The following RIMS1 variants were observed in gnomAD, a reference collection of about 807,000 sequenced individuals.
RIMS1 encodes regulating synaptic membrane exocytosis protein 1.
RIMS1 carries 83 observed loss-of-function variants against 214.1 expected under a neutral mutation model. The observed-to-expected ratio is 0.39, with a 90% CI of 0.32 to 0.47. The LOEUF is 0.47. Ranked by LOEUF, RIMS1 falls within the 20% of genes least tolerant of loss-of-function variation. The pLI is 0.99. For synonymous variants in RIMS1, 793 were observed against 786.8 expected (o/e 1.01, Z -0.13); for missense variants, 2,050 against 2,161.8 (o/e 0.95, Z 1.03).
intron 4 of RIMS1, among the ~76,000 whole-genome samples, chr6:72,173,401 C>T (rs1305860251): frequency 2.0e-5 from 3 of 150,764 alleles, no homozygotes; most frequent in Non-Finnish European, 3.0e-5. Context: ...AACTTTATTC[C>T]CCTCCATATT....
At chr6:72,072,584 G>A (rs1364299370) in intron 2 of RIMS1, among the ~76,000 whole-genome samples, 1 of 152,134 alleles carries the variant, frequency 6.6e-6, no homozygotes, top group African/African-American at 2.4e-5. Flanking sequence ...AAAAATGCTT[G>A]CTAGAACAAC....
At chr6:71,937,682 G>C (rs759108837) in intron 1 of RIMS1, among the ~76,000 whole-genome samples, 1 of 152,154 alleles carries the variant, frequency 6.6e-6, no homozygotes, top group African/African-American at 2.4e-5. Context: ...AATGGGGGCT[G>C]AACTCCTGTG....
intron 1 of RIMS1, among the ~76,000 whole-genome samples, chr6:71,963,120 C>T (rs566445014): frequency 1.3e-5 from 2 of 152,246 alleles, no homozygotes; most frequent in East Asian, 3.9e-4. Flanking sequence ...TGAAACACGT[C>T]TGAGGTTGCT....
intron 4 of RIMS1, among the ~76,000 whole-genome samples, chr6:72,108,970 G>A (rs1028081626): frequency 1.3e-5 from 2 of 150,650 alleles, no homozygotes; most frequent in Non-Finnish European, 2.9e-5. Flanking sequence ...TTGTTCTTGC[G>A]ATAGTTTACT....
chr6:72,280,726 T>C (rs2089680827), intron 23 of RIMS1, among the ~76,000 whole-genome samples: 1 of 152,084 alleles, frequency 6.6e-6, no homozygotes, highest in South Asian at 2.1e-4. Context: ...AGCCTTTGCA[T>C]GAATATTTGT....
intron 2 of RIMS1, among the ~76,000 whole-genome samples, chr6:72,092,406 G>C (rs562072435): frequency 6.6e-6 from 1 of 151,680 alleles, no homozygotes; most frequent in Non-Finnish European, 1.5e-5. Flanking sequence ...TTTTCTTCCA[G>C]AGCAGAATAA....
intron 1 of RIMS1, among the ~76,000 whole-genome samples, chr6:71,927,240 T>G (rs2150847275): frequency 6.6e-6 from 1 of 152,306 alleles, no homozygotes; most frequent in African/African-American, 2.4e-5. Context: ...TATTTTAGAT[T>G]AACAGAACAT....
chr6:71,907,391 A>G (rs1267510830), intron 1 of RIMS1, among the ~76,000 whole-genome samples: 2 of 152,158 alleles, frequency 1.3e-5, no homozygotes, highest in Non-Finnish European at 2.9e-5. Context: ...TTAAACAATT[A>G]ACAGATTTTT....
intron 1 of RIMS1, among the ~76,000 whole-genome samples, chr6:71,904,965 A>T (rs960885632): frequency 9.2e-5 from 14 of 152,112 alleles, no homozygotes; most frequent in Admixed American, 7.9e-4. Context: ...CATTTCACTA[A>T]TTTTTTGTAA....
chr6:71,919,608 G>A (rs1167657602), intron 1 of RIMS1, among the ~76,000 whole-genome samples: 1 of 152,080 alleles, frequency 6.6e-6, no homozygotes, highest in Non-Finnish European at 1.5e-5. Flanking sequence ...CATGGAAAGG[G>A]TGAGTAGAAG....
At chr6:71,951,661 ATTTT>A (rs3076630) in intron 1 of RIMS1, among the ~76,000 whole-genome samples, 1 of 142,140 alleles carries the variant, frequency 7.0e-6, no homozygotes, top group African/African-American at 2.6e-5. Flanking sequence ...CGCTTAGCTA[ATTTT>A]TTTTTTTTTT....
intron 1 of RIMS1, among the ~76,000 whole-genome samples, chr6:71,967,184 C>A (rs1417892918): frequency 1.3e-5 from 2 of 151,992 alleles, no homozygotes; most frequent in Non-Finnish European, 2.9e-5. Context: ...GTCAGGAGAT[C>A]GAGACCATCC....
At chr6:72,008,362 C>T (rs1004674667) in intron 2 of RIMS1, among the ~76,000 whole-genome samples, 2 of 152,170 alleles carry the variant, frequency 1.3e-5, no homozygotes, top group South Asian at 2.1e-4. Flanking sequence ...CCAGCCACTG[C>T]AAAAACATGT....
intron 28 of RIMS1, chr6:72,316,729 C>T: frequency 1.5e-6 from 1 of 654,576 alleles, no homozygotes; most frequent in East Asian, 3.5e-5. Context: ...CCAGAGCAGC[C>T]TGGGGGCCCT....
chr6:71,886,993 A>G lies in RIMS1; in HGVS notation c.-31A>G, dbSNP rs780006465. On this transcript the variant is annotated 5_prime_UTR_variant, in exon 1 of 34. Coordinates refer to ENST00000521978, the MANE Select transcript of RIMS1 (RefSeq NM_014989.7). ...TGCATCCGAAAGGTGAGAGCCAGAG[A>G]GCGAGCAGAGGGGGCGGGCAGGCCA... 5 of 1,606,918 alleles carry G rather than the reference A, an allele frequency of 3.1e-6. No homozygotes were observed. The Admixed American group carries it at 5.0e-5, about 16-fold the overall frequency.
At chr6:71,993,803 TA>T (rs1173668359) in intron 2 of RIMS1, among the ~76,000 whole-genome samples, 1 of 152,206 alleles carries the variant, frequency 6.6e-6, no homozygotes, top group African/African-American at 2.4e-5. Flanking sequence ...CATATAGTGG[TA>T]GGGGGCTATT....
intron 6 of RIMS1, among the ~76,000 whole-genome samples, chr6:72,210,122 A>T (rs1055567024): frequency 1.1e-4 from 17 of 152,158 alleles, no homozygotes; most frequent in African/African-American, 3.9e-4. Context: ...TACCCAAAGG[A>T]ACAACATGGT....
intron 2 of RIMS1, among the ~76,000 whole-genome samples, chr6:72,033,347 A>G (rs1269486919): frequency 6.6e-6 from 1 of 152,146 alleles, no homozygotes; most frequent in Admixed American, 6.5e-5. Context: ...GCTCCTGCCT[A>G]TTGCTTGCCC....
At chr6:72,381,112 G>A (rs1021305068) in intron 29 of RIMS1, among the ~76,000 whole-genome samples, 1 of 152,164 alleles carries the variant, frequency 6.6e-6, no homozygotes, top group Non-Finnish European at 1.5e-5. Flanking sequence ...TGATCGATGT[G>A]TCAGCAGGTT....
Sources: gnomAD v4.1 joint callset for allele counts (sites outside exome capture counted in the v4.1 genomes callset) on GRCh38, gnomAD v4.1.1 for gene constraint, MANE v1.5 for transcripts, NCBI Gene and HGNC (gene_info 2026-07-23, HGNC 2026-07-21) for gene names.